SOX5: variants seen among roughly 807,000 people sequenced by gnomAD.
SOX5 encodes SRY-box transcription factor 5.
SOX5 carries 9 observed loss-of-function variants against 92.0 expected under a neutral mutation model. The ratio of observed to expected loss-of-function variants is 0.10; its 90% CI spans 0.06 to 0.17. The LOEUF (loss-of-function observed/expected upper bound fraction) is 0.17, where lower values mean the gene tolerates loss of function less well. SOX5 is among the 10% of genes least tolerant of loss of function. SOX5 has a pLI of 1.00. For synonymous variants in SOX5, 344 were observed against 336.3 expected, an observed-to-expected ratio of 1.02 and a Z score of -0.25; for missense variants, 642 against 944.5, an observed-to-expected ratio of 0.68 and a Z score of 4.20.
chr12:23,574,958 C>A (rs1209176306), intron 10 of SOX5, among the ~76,000 whole-genome samples: 1 of 152,114 alleles, frequency 6.6e-6, no homozygotes, highest in Non-Finnish European at 1.5e-5. Flanking sequence ...AATGACTCTC[C>A]CTTAACTAAA....
At position 23,584,694 on chromosome 12, in the gene SOX5, G is replaced by A. The variant is rs567379474; in HGVS notation, c.1165-8856C>T. The A allele has an allele frequency of 2.2e-4, 190 of 883,182 alleles. 4 individuals are homozygous for A. In the South Asian group the frequency reaches 2.5e-3, roughly 12 times the overall value. The allele number at this position is 883,182 out of a possible 1,614,324, so 54.7% of individuals were successfully genotyped here. On this transcript the variant is annotated intron_variant, in intron 9 of 14. Transcript: ENST00000451604. ...TTGGGAGATGAGTGAAGGCCAAATTGTCTAAGGCACAGAACCTTGGAGAAG... is the reference window on the plus strand; with the variant it reads ...TTGGGAGATGAGTGAAGGCCAAATTATCTAAGGCACAGAACCTTGGAGAAG...
At chr12:24,344,261 G>A (rs560283475) in intron 2 of SOX5, among the ~76,000 whole-genome samples, 7 of 131,962 alleles carry the variant, frequency 5.3e-5, no homozygotes, top group South Asian at 4.8e-4. Context: ...CCATCCTGGC[G>A]ACAGAGCAAG....
At chr12:23,896,458 T>C (rs920079221) in intron 1 of SOX5, among the ~76,000 whole-genome samples, 26 of 152,268 alleles carry the variant, frequency 1.7e-4, no homozygotes, top group African/African-American at 6.0e-4. Flanking sequence ...AAAAATAGAC[T>C]CAATATATAA....
chr12:24,528,834 A>G (rs1167326381), intron 1 of SOX5, among the ~76,000 whole-genome samples: 1 of 152,218 alleles, frequency 6.6e-6, no homozygotes, highest in Non-Finnish European at 1.5e-5. Context: ...TCTTAAAGAA[A>G]AGTCTGCAAA....
chr12:24,255,057 C>CTTGAGGGCA (rs1940912465), intron 3 of SOX5, among the ~76,000 whole-genome samples: 2 of 152,138 alleles, frequency 1.3e-5, no homozygotes, highest in Non-Finnish European at 1.5e-5. Context: ...TGCCCTCTTT[C>CTTGAGGGCA]TCTCCTGAAC....
intron 2 of SOX5, among the ~76,000 whole-genome samples, chr12:24,351,567 C>T (rs1015676602): frequency 3.9e-5 from 6 of 152,184 alleles, no homozygotes; most frequent in Admixed American, 3.3e-4. Context: ...AGCTTAATTC[C>T]TTTCCTCTAT....
intron 5 of SOX5, among the ~76,000 whole-genome samples, chr12:23,737,969 A>G (rs1050019252): frequency 1.3e-5 from 2 of 152,246 alleles, no homozygotes; most frequent in African/African-American, 4.8e-5. Flanking sequence ...AGTTTTCAAC[A>G]TAATACTTAG....
At chr12:23,582,538 C>T (rs992951282) in intron 9 of SOX5, among the ~76,000 whole-genome samples, 1 of 152,092 alleles carries the variant, frequency 6.6e-6, no homozygotes, top group East Asian at 1.9e-4. Flanking sequence ...TTACATAGCA[C>T]ATAGTCTTGA....
intron 4 of SOX5, among the ~76,000 whole-genome samples, chr12:24,094,534 CATT>C (rs1161721832): frequency 6.8e-6 from 1 of 148,132 alleles, no homozygotes; most frequent in Non-Finnish European, 1.5e-5. Flanking sequence ...CAGATTTACT[CATT>C]GTTTCCTTTA....
At chr12:23,592,210 T>C (rs1003550742) in intron 9 of SOX5, among the ~76,000 whole-genome samples, 26 of 152,158 alleles carry the variant, frequency 1.7e-4, no homozygotes, top group African/African-American at 5.8e-4. Flanking sequence ...TGAAAGAAAA[T>C]ACATTTTTAT....
At chr12:24,038,452 C>T (rs17404747) in intron 4 of SOX5, among the ~76,000 whole-genome samples, 4 of 152,196 alleles carry the variant, frequency 2.6e-5, no homozygotes, top group East Asian at 1.9e-4. Flanking sequence ...GGGAAGTTCC[C>T]GTGTCAGTTC....
chr12:24,331,783 G>A (rs1485429264), intron 2 of SOX5, among the ~76,000 whole-genome samples: 2 of 137,170 alleles, frequency 1.5e-5, no homozygotes, highest in Admixed American at 8.0e-5. Context: ...AGGGGGCAGA[G>A]GTTGCACTGA....
At chr12:24,106,559 C>T (rs1006793098) in intron 4 of SOX5, among the ~76,000 whole-genome samples, 5 of 151,850 alleles carry the variant, frequency 3.3e-5, no homozygotes, top group South Asian at 2.1e-4. Context: ...GGGAGGTCGA[C>T]GCAGGCGGAT....
At position 24,021,677 on chromosome 12, in the gene SOX5, C is replaced by T. The variant is rs111846158; in HGVS notation, c.-1-125653G>A. ...CTAATGGAATCAGCACGGTATCTTA[C>T]GATAATGATGCCGAATGTAATCCTT... On this transcript the variant is annotated intron_variant, in intron 4 of 4. Coordinates refer to the SOX5 transcript ENST00000446891. Among the ~76,000 whole-genome samples, 5 of 152,244 alleles carry T rather than the reference C, an allele frequency of 3.3e-5. No individual in the cohort carries two copies. In the East Asian group the frequency reaches 5.8e-4, roughly 18 times the overall value.
At chr12:24,021,092 G>T (rs1049662100) in intron 4 of SOX5, among the ~76,000 whole-genome samples, 3 of 152,276 alleles carry the variant, frequency 2.0e-5, no homozygotes, top group Admixed American at 6.5e-5. Context: ...AGGGCATTGG[G>T]AAGGTTTTCT....
intron 3 of SOX5, among the ~76,000 whole-genome samples, chr12:24,259,306 TCG>T (rs1262769432): frequency 6.6e-6 from 1 of 152,164 alleles, no homozygotes; most frequent in Non-Finnish European, 1.5e-5. Flanking sequence ...GGCACTGTTA[TCG>T]TGTTTAAATG....
intron 4 of SOX5, among the ~76,000 whole-genome samples, chr12:23,976,795 CTTG>C (rs1948965915): frequency 6.6e-6 from 1 of 151,814 alleles, no homozygotes; most frequent in South Asian, 2.1e-4. Context: ...AAACTCGCGA[CTTG>C]TTTTTTTCTG....
chr12:23,968,970 T>C (rs1046231766), intron 4 of SOX5, among the ~76,000 whole-genome samples: 1 of 152,214 alleles, frequency 6.6e-6, no homozygotes, highest in Non-Finnish European at 1.5e-5. Context: ...AAATTTTATA[T>C]GTCTTCGTGG....
intron 6 of SOX5, among the ~76,000 whole-genome samples, chr12:23,711,198 C>G (rs1022623446): frequency 6.6e-6 from 1 of 152,162 alleles, no homozygotes; most frequent in Non-Finnish European, 1.5e-5. Context: ...TAGTTTGTCA[C>G]TTTAAGAAAG....
Sources: allele counts gnomAD v4.1 joint callset (sites outside exome capture counted in the v4.1 genomes callset), GRCh38; gene constraint gnomAD v4.1.1; transcripts MANE v1.5; gene names NCBI Gene and HGNC (gene_info 2026-07-23, HGNC 2026-07-21).